Variants in BACH2 observed in about 807,000 individuals in gnomAD.
BACH2 encodes the protein BACH transcriptional regulator 2, also known as transcription regulator protein BACH2.
BACH2 carries 5 observed loss-of-function variants against 61.8 expected under a neutral mutation model. The ratio of observed to expected loss-of-function variants is 0.08; its 90% CI spans 0.04 to 0.17. The LOEUF (loss-of-function observed/expected upper bound fraction) is 0.17. BACH2 is among the 10% of genes least tolerant of loss of function. The pLI is 1.00. For synonymous variants in BACH2, 446 were observed against 440.1 expected (o/e 1.01, Z -0.17); for missense variants, 824 against 1,091.1 (o/e 0.76, Z 3.45).
At chr6:89,981,559 A>C (rs1582136392) in intron 6 of BACH2, among the ~76,000 whole-genome samples, 1 of 152,190 alleles carries the variant, frequency 6.6e-6, no homozygotes, top group Non-Finnish European at 1.5e-5. Context: ...ACAAGCATCT[A>C]TTTGTCTACA....
At chr6:90,207,531 A>AGCAAAATATT (rs756347120) in intron 3 of BACH2, among the ~76,000 whole-genome samples, 4 of 152,144 alleles carry the variant, frequency 2.6e-5, no homozygotes, top group Admixed American at 1.3e-4. Flanking sequence ...CTGAGAGGAG[A>AGCAAAATATT]GCAAAATATT....
chr6:90,122,494 TTC>T (rs1191125847), intron 4 of BACH2, among the ~76,000 whole-genome samples: 1 of 152,222 alleles, frequency 6.6e-6, no homozygotes, highest in Non-Finnish European at 1.5e-5. Context: ...GTCTTGTCTT[TTC>T]TCTTTCTCCT....
At chr6:90,054,074 C>T (rs2127795643) in intron 5 of BACH2, among the ~76,000 whole-genome samples, 1 of 152,336 alleles carries the variant, frequency 6.6e-6, no homozygotes, top group East Asian at 1.9e-4. Context: ...GCATTTCCAA[C>T]TGAGGTACCG....
intron 3 of BACH2, among the ~76,000 whole-genome samples, chr6:90,207,667 A>C (rs1376053290): frequency 6.6e-6 from 1 of 152,148 alleles, no homozygotes; most frequent in Non-Finnish European, 1.5e-5. Context: ...TGCTTTTAAA[A>C]ATGAAAAATA....
chr6:89,978,633 T>TAAAAAAAAA (rs753724278), intron 6 of BACH2, among the ~76,000 whole-genome samples: 3 of 86,036 alleles, frequency 3.5e-5, no homozygotes, highest in Admixed American at 1.4e-4. Context: ...GTGTTGGCTT[T>TAAAAAAAAA]AAAAAAAAAA....
chr6:89,943,082 G>A (rs376581563), intron 7 of BACH2, among the ~76,000 whole-genome samples: 2 of 152,170 alleles, frequency 1.3e-5, no homozygotes, highest in East Asian at 3.8e-4. Flanking sequence ...AAACTGTTGG[G>A]ATTATAGGAG....
intron 5 of BACH2, among the ~76,000 whole-genome samples, chr6:90,012,628 C>CAA (rs549056946): frequency 2.8e-5 from 3 of 108,630 alleles, no homozygotes; most frequent in Non-Finnish European, 3.9e-5. Flanking sequence ...GACTCCACCT[C>CAA]AAAAAAAAAA....
intron 5 of BACH2, among the ~76,000 whole-genome samples, chr6:90,018,926 T>A (rs949219881): frequency 6.6e-6 from 1 of 152,236 alleles, no homozygotes; most frequent in African/African-American, 2.4e-5. Context: ...TATTATCTAG[T>A]AAGAAGACAA....
chr6:89,946,902 G>A (rs1339912833), intron 7 of BACH2, among the ~76,000 whole-genome samples: 1 of 152,194 alleles, frequency 6.6e-6, no homozygotes, highest in Admixed American at 6.5e-5. Flanking sequence ...CTTTCTCGAA[G>A]CCAGGGAACA....
intron 3 of BACH2, among the ~76,000 whole-genome samples, chr6:90,240,978 GA>G (rs1562522063): frequency 6.6e-6 from 1 of 151,558 alleles, no homozygotes. Context: ...TAAAAGTATA[GA>G]AAAAATTAGC....
At chr6:89,985,718 T>C (rs902521657) in intron 6 of BACH2, among the ~76,000 whole-genome samples, 2 of 152,220 alleles carry the variant, frequency 1.3e-5, no homozygotes, top group South Asian at 2.1e-4. Context: ...CATTTTTCTC[T>C]CACCTTTTCT....
chr6:89,950,917 C>A lies in BACH2; in HGVS notation c.1189G>T (p.Val397Leu). Residue 397 changes from valine (V) to leucine (L), a missense_variant, in exon 7 of 9, where the codon GTG (valine) becomes TTG (leucine). By Grantham distance (32) the Val-to-Leu change is conservative. Around this residue, in one of 8 missense-constraint regions of BACH2, gnomAD observed 226 missense variants for 228.5 expected, o/e 0.99. Coordinates refer to ENST00000257749, the MANE Select transcript of BACH2 (RefSeq NM_021813.4). This position sits in a 1 kb window ranked among gnomAD's most constrained non-coding sequence, Gnocchi z 5.3. ...PFTGNYGQPH[V>L]GQKEVSNFTM... Reference sequence around the variant, plus strand: ...AAGTTGGACACCTCCTTCTGGCCCACGTGGGGCTGTCCATAATTCCCTGTG... The same window carrying A: ...AAGTTGGACACCTCCTTCTGGCCCAAGTGGGGCTGTCCATAATTCCCTGTG... The A allele has an allele frequency of 1.9e-6, 3 of 1,587,218 alleles. No homozygotes were observed. The highest frequency in any genetic ancestry group is 2.6e-6 in the Non-Finnish European group (3 of 1,166,574).
intron 5 of BACH2, among the ~76,000 whole-genome samples, chr6:90,026,980 C>G (rs1778669415): frequency 6.6e-6 from 1 of 152,164 alleles, no homozygotes; most frequent in Admixed American, 6.6e-5. Context: ...TGAAAGTCAT[C>G]TAGCTTGAGG....
chr6:90,278,455 C>T (rs143744006), intron 1 of BACH2, among the ~76,000 whole-genome samples: 319 of 152,336 alleles, frequency 2.1e-3, no homozygotes, highest in African/African-American at 7.3e-3. Context: ...GTGCCTCAAC[C>T]GTCTGTTTGC....
intron 3 of BACH2, among the ~76,000 whole-genome samples, chr6:90,219,454 C>G (rs1004483157): frequency 1.3e-5 from 2 of 152,212 alleles, no homozygotes; most frequent in African/African-American, 4.8e-5. Context: ...TTTTCTCTCT[C>G]TTTTCCGCTC....
At position 89,928,398 on chromosome 6, in the gene BACH2, G is replaced by A. The variant is rs188442492; in HGVS notation, c.*4010C>T. On this transcript the variant is annotated 3_prime_UTR_variant, in exon 9 of 9. Transcript: ENST00000257749. ...TCCACAGGATGTCAAGCAGCTTCAC[G>A]GGACAGGAGTTTTTGGTGTCTTAAC... 7 of 152,428 alleles carry A rather than the reference G, an allele frequency of 4.6e-5. No individual in the cohort carries two copies. Among genetic ancestry groups the A allele is most frequent in the South Asian group, 4.2e-4 (2 of 4,818 alleles). The allele number at this position is 152,428 out of a possible 1,614,324, so 9.4% of individuals were successfully genotyped here.
At chr6:90,236,657 A>G (rs1770268812) in intron 3 of BACH2, among the ~76,000 whole-genome samples, 1 of 152,206 alleles carries the variant, frequency 6.6e-6, no homozygotes, top group Non-Finnish European at 1.5e-5. Context: ...GTGTTTGTCC[A>G]GAAGAGAAAT....
chr6:89,957,780 T>C (rs1774507090), intron 6 of BACH2, among the ~76,000 whole-genome samples: 1 of 152,216 alleles, frequency 6.6e-6, no homozygotes, highest in South Asian at 2.1e-4. Context: ...ACTCAAGCAA[T>C]CCGTCTATTT....
chr6:90,137,739 G>A (rs1167149119), intron 4 of BACH2, among the ~76,000 whole-genome samples: 2 of 152,164 alleles, frequency 1.3e-5, no homozygotes, highest in Non-Finnish European at 2.9e-5. Flanking sequence ...AAGCCTGTGG[G>A]ATTCTATAAT....
Sources: allele counts gnomAD v4.1 joint callset (sites outside exome capture counted in the v4.1 genomes callset), GRCh38; gene constraint gnomAD v4.1.1; regional missense constraint gnomAD v4.1.1; non-coding constraint Gnocchi (gnomAD v3.1); transcripts MANE v1.5; gene names NCBI Gene and HGNC (gene_info 2026-07-23, HGNC 2026-07-21).